Variants in RSRP1 observed in about 807,000 individuals in gnomAD.
The protein encoded by RSRP1 is arginine/serine-rich protein 1.
In RSRP1, 37 loss-of-function variants were observed where a neutral mutation model predicts 33.0. That is an observed-to-expected ratio of 1.12 (90% confidence interval 0.86 to 1.48). RSRP1 has a LOEUF of 1.48. Among genes scored for constraint, RSRP1 ranks in the 40% most tolerant of loss-of-function variants. The pLI is 0.00. For synonymous variants in RSRP1, 167 were observed against 158.7 expected, an observed-to-expected ratio of 1.05 and a Z score of -0.40; for missense variants, 402 against 385.3, an observed-to-expected ratio of 1.04 and a Z score of -0.36.
chr1:25,292,681 T>C (rs1354312461), intron 1 of RSRP1, among the ~76,000 whole-genome samples: 2 of 128,106 alleles, frequency 1.6e-5, no homozygotes, highest in African/African-American at 5.3e-5. Flanking sequence ...GTATGAAACA[T>C]CCCAGTGGAG....
chr1:25,248,772 A>C (rs918118805), upstream of RSRP1, among the ~76,000 whole-genome samples: 2 of 152,216 alleles, frequency 1.3e-5, no homozygotes, highest in African/African-American at 2.4e-5. Context: ...TTTCTTCTCT[A>C]AATCTCAAGA....
rs1214598540 is a variant in RSRP1, at chr1:25,321,498, T to TAA, written c.-67+16478_-67+16479dup. Among the ~76,000 whole-genome samples the TAA allele has an allele frequency of 4.6e-4, 35 of 76,330 alleles. 2 individuals are homozygous for TAA. Among genetic ancestry groups the TAA allele is most frequent in the African/African-American group, 1.2e-3 (27 of 23,380 alleles). The allele number at this position is 76,330 out of a possible 152,430, so 50.1% of individuals were successfully genotyped here. A position where few individuals can be genotyped will look rare whatever the true frequency, so the allele number is the denominator to read the frequency against. On this transcript the variant is annotated intron_variant, in intron 1 of 1. Coordinates refer to the RSRP1 transcript ENST00000561867. Reference sequence around the variant, plus strand: ...CAACATGGTGAAACTCCATCTCTACTAAAAAAAAAAAAAAAAAAAAAATTA... The same window carrying TAA: ...CAACATGGTGAAACTCCATCTCTACTAAAAAAAAAAAAAAAAAAAAAAAATTA...
rs1644743010 is a variant in RSRP1, at chr1:25,322,132, G to T, written c.-67+15846C>A. On this transcript the variant is annotated intron_variant, in intron 1 of 1. Transcript: ENST00000561867. Reference sequence around the variant, plus strand: ...ACAAATCCATGATATGCATGTGTGTGGGGGAGGGTGGCGGGGAGGTGGTAA... The same window carrying T: ...ACAAATCCATGATATGCATGTGTGTTGGGGAGGGTGGCGGGGAGGTGGTAA... Among the ~76,000 whole-genome samples the T allele has an allele frequency of 1.5e-5, 2 of 131,618 alleles. 1 individual carries two copies. Among genetic ancestry groups the T allele is most frequent in the South Asian group, 4.7e-4 (2 of 4,266 alleles). 86.3% of individuals were successfully genotyped at this position (131,618 alleles called of 152,430 possible). A position where few individuals can be genotyped will look rare whatever the true frequency, so the allele number is the denominator to read the frequency against.
At position 25,276,689 on chromosome 1, in the gene RSRP1, G is replaced by C. The variant is rs1393395760; in HGVS notation, c.-66-29660C>G. On this transcript the variant is annotated intron_variant, in intron 1 of 1. Coordinates refer to the RSRP1 transcript ENST00000561867. Reference sequence around the variant, plus strand: ...GGATTGTACCACTTCACTCCAGCATGGGCGACAGAGCAAGACCCTGTCTCA... The same window carrying C: ...GGATTGTACCACTTCACTCCAGCATCGGCGACAGAGCAAGACCCTGTCTCA... Among the ~76,000 whole-genome samples, 3 of 130,860 alleles carry C rather than the reference G, an allele frequency of 2.3e-5. 1 individual carries two copies. The highest frequency in any genetic ancestry group is 7.9e-5 in the African/African-American group (3 of 38,190). 85.8% of individuals were successfully genotyped at this position (130,860 alleles called of 152,430 possible). A position where few individuals can be genotyped will look rare whatever the true frequency, so the allele number is the denominator to read the frequency against.
Position 25,297,303 on chromosome 1 carries a change from A to G in RSRP1, c.-67+40675T>C, listed in dbSNP as rs1490035798. Among the ~76,000 whole-genome samples the G allele has an allele frequency of 1.1e-4, 11 of 95,770 alleles. 1 individual carries two copies. Among genetic ancestry groups the G allele is most frequent in the Admixed American group, 1.1e-3 (11 of 9,686 alleles). The allele number at this position is 95,770 out of a possible 152,430, so 62.8% of individuals were successfully genotyped here. ...AAGAGCCGTGTGTGCCCTTCTTAGTATATCATATCAGAAGACATGCTATCA... is the reference window on the plus strand; with the variant it reads ...AAGAGCCGTGTGTGCCCTTCTTAGTGTATCATATCAGAAGACATGCTATCA... On this transcript the variant is annotated intron_variant, in intron 1 of 1. Coordinates refer to the RSRP1 transcript ENST00000561867.
rs1266601821 is a variant in RSRP1, at chr1:25,291,657, T to A, written c.-66-44628A>T. 2.3e-5 allele frequency among the ~76,000 whole-genome samples: 3 copies of A among 132,460 alleles called. 1 individual carries two copies. The highest frequency in any genetic ancestry group is 5.4e-5 in the Non-Finnish European group (3 of 55,924). 86.9% of individuals were successfully genotyped at this position (132,460 alleles called of 152,430 possible). A position where few individuals can be genotyped will look rare whatever the true frequency, so the allele number is the denominator to read the frequency against. ...ATGGTTATATAAAAGTAATTAATTCTCAGAGCCTCACCAGCAGTGGGTCCA... is the reference window on the plus strand; with the variant it reads ...ATGGTTATATAAAAGTAATTAATTCACAGAGCCTCACCAGCAGTGGGTCCA... On this transcript the variant is annotated intron_variant, in intron 1 of 1. Transcript: ENST00000561867.
chr1:25,263,256 GGC>G (rs1303580064), intron 1 of RSRP1, among the ~76,000 whole-genome samples: 1 of 152,020 alleles, frequency 6.6e-6, no homozygotes, highest in African/African-American at 2.4e-5. Context: ...GAGGTGGCCT[GGC>G]CAGGAGCTAG....
chr1:25,244,256 C>T (rs1490860018), intron 3 of RSRP1: 2 of 1,289,148 alleles, frequency 1.6e-6, no homozygotes, highest in Admixed American at 4.6e-5. Flanking sequence ...ATGAAAGGGA[C>T]ATCTTTTTCA....
intron 1 of RSRP1, among the ~76,000 whole-genome samples, chr1:25,316,532 A>G (rs1449226161): frequency 1.9e-5 from 2 of 107,952 alleles, no homozygotes; most frequent in Non-Finnish European, 4.5e-5. Flanking sequence ...GAATCGCTTG[A>G]ACCTGGGGGA....
In RSRP1 at chr1:25,277,021, T is replaced by C. The variant is rs764730978; in HGVS notation, c.-66-29992A>G. On this transcript the variant is annotated intron_variant, in intron 1 of 1. Transcript: ENST00000561867. ...GGCGGAGCTTTCAGTGAGCTGAGATTACGCCACTGCACTCCAGCCTGGGCA... is the reference window on the plus strand; with the variant it reads ...GGCGGAGCTTTCAGTGAGCTGAGATCACGCCACTGCACTCCAGCCTGGGCA... Among the ~76,000 whole-genome samples, 16 of 131,838 alleles carry C rather than the reference T, an allele frequency of 1.2e-4. 5 individuals carry two copies. Among genetic ancestry groups the C allele is most frequent in the Non-Finnish European group, 2.5e-4 (14 of 55,676 alleles). 86.5% of individuals were successfully genotyped at this position (131,838 alleles called of 152,430 possible). A position where few individuals can be genotyped will look rare whatever the true frequency, so the allele number is the denominator to read the frequency against.
intron 1 of RSRP1, among the ~76,000 whole-genome samples, chr1:25,311,089 A>G (rs1238882820): frequency 7.5e-6 from 1 of 132,846 alleles, no homozygotes; most frequent in Non-Finnish European, 1.8e-5. Context: ...CTTAATGGTT[A>G]CTGAAGTCGT....
upstream of RSRP1, among the ~76,000 whole-genome samples, chr1:25,251,651 G>A (rs1470191646): frequency 6.6e-6 from 1 of 152,152 alleles, no homozygotes; most frequent in African/African-American, 2.4e-5. Context: ...TTACAGGCGT[G>A]AGCCACTGCG....
At chr1:25,257,387 T>C (rs1016421961) in intron 1 of RSRP1, among the ~76,000 whole-genome samples, 16 of 152,300 alleles carry the variant, frequency 1.1e-4, no homozygotes, top group East Asian at 7.7e-4. Flanking sequence ...TGGCATTCAA[T>C]TGGTGTTTAC....
chr1:25,332,034 CCAG>C (rs1299529599), intron 1 of RSRP1, among the ~76,000 whole-genome samples: 2 of 122,610 alleles, frequency 1.6e-5, no homozygotes, highest in African/African-American at 2.8e-5. Context: ...GCCACCGCGC[CCAG>C]CAGATTTTTT....
chr1:25,255,645 T>G (rs959577387), intron 1 of RSRP1, among the ~76,000 whole-genome samples: 1 of 152,148 alleles, frequency 6.6e-6, no homozygotes, highest in Non-Finnish European at 1.5e-5. Flanking sequence ...TATTACATTG[T>G]AATATATAAT....
intron 1 of RSRP1, among the ~76,000 whole-genome samples, chr1:25,280,229 T>A: frequency 7.8e-6 from 1 of 127,796 alleles, no homozygotes; most frequent in Non-Finnish European, 1.8e-5. Context: ...CGCGTATACC[T>A]GGAATCAGGG....
At position 25,294,144 on chromosome 1, in the gene RSRP1, A is replaced by G; in HGVS notation, c.-67+43834T>C. 1.1e-5 allele frequency: 7 copies of G among 662,832 alleles called. 2 individuals are homozygous for G. Among genetic ancestry groups the G allele is most frequent in the Non-Finnish European group, 1.7e-5 (6 of 348,340 alleles). The allele number at this position is 662,832 out of a possible 1,614,324, so 41.1% of individuals were successfully genotyped here. A position where few individuals can be genotyped will look rare whatever the true frequency, so the allele number is the denominator to read the frequency against. On this transcript the variant is annotated intron_variant, in intron 1 of 1. Transcript: ENST00000561867. ...GCAAAGAGGCATACATCAATTCTTC[A>G]AAGTAGGAAGTCAAAAAGGTCAGAG... is the stretch of plus-strand genomic sequence containing the variant.
intron 1 of RSRP1, among the ~76,000 whole-genome samples, chr1:25,315,132 G>A (rs1223996817): frequency 7.8e-6 from 1 of 128,734 alleles, no homozygotes; most frequent in African/African-American, 2.7e-5. Flanking sequence ...CTCCAGCCTG[G>A]TGACACAGCA....
intron 1 of RSRP1, among the ~76,000 whole-genome samples, chr1:25,331,454 G>A (rs1645004531): frequency 7.6e-6 from 1 of 131,966 alleles, no homozygotes; most frequent in African/African-American, 2.6e-5. Context: ...AATGGACAAT[G>A]TATACAAAGA....
Sources: allele counts gnomAD v4.1 joint callset (sites outside exome capture counted in the v4.1 genomes callset), GRCh38; gene constraint gnomAD v4.1.1; transcripts MANE v1.5; gene names NCBI Gene and HGNC (gene_info 2026-07-23, HGNC 2026-07-21).